The following FOXN3 variants were observed in gnomAD, a reference collection of about 807,000 sequenced individuals.
FOXN3 encodes the protein forkhead box N3, also known as forkhead box protein N3.
Under a neutral mutation model 38.4 loss-of-function variants are expected in FOXN3, and 7 were observed. The observed-to-expected ratio is 0.18, with a 90% CI of 0.10 to 0.34. The LOEUF (loss-of-function observed/expected upper bound fraction) is 0.34, where lower values mean the gene tolerates loss of function less well. Among genes scored for constraint, FOXN3 ranks in the 10% least tolerant of loss-of-function variants. The pLI, the probability that FOXN3 is intolerant of heterozygous loss-of-function variation, is 1.00. For synonymous variants in FOXN3, 230 were observed against 242.2 expected (o/e 0.95, Z 0.47); for missense variants, 456 against 613.4 (o/e 0.74, Z 2.71).
intron 1 of FOXN3, among the ~76,000 whole-genome samples, chr14:89,526,959 A>G (rs1361730125): frequency 1.3e-5 from 2 of 152,214 alleles, no homozygotes; most frequent in Non-Finnish European, 2.9e-5. Context: ...AACTAGTTTT[A>G]AACAAAAGTA....
chr14:89,427,839 A>C (rs1042719328), intron 1 of FOXN3, among the ~76,000 whole-genome samples: 1 of 152,042 alleles, frequency 6.6e-6, no homozygotes, highest in Non-Finnish European at 1.5e-5. Flanking sequence ...TTGATCACTT[A>C]ACAGGAAAAA....
chr14:89,318,901 C>T (rs1379326684), intron 3 of FOXN3, among the ~76,000 whole-genome samples: 8 of 152,186 alleles, frequency 5.3e-5, no homozygotes, highest in Admixed American at 3.3e-4. Flanking sequence ...ACAATGGTTA[C>T]ATCAAAGACG....
chr14:89,229,408 C>T (rs1233691099), intron 4 of FOXN3, among the ~76,000 whole-genome samples: 1 of 152,094 alleles, frequency 6.6e-6, no homozygotes, highest in African/African-American at 2.4e-5. Context: ...ATTAAAGTAG[C>T]TCAGCAGCGA....
At chr14:89,616,852 T>C (rs1596334253) in intron 1 of FOXN3, among the ~76,000 whole-genome samples, 1 of 152,254 alleles carries the variant, frequency 6.6e-6, no homozygotes, top group East Asian at 1.9e-4. Flanking sequence ...CTCAAATATT[T>C]CCAACAAAAA....
rs184101513 is a variant in FOXN3, at chr14:89,202,560, G to C, written c.746-21754C>G. Reference sequence around the variant, plus strand: ...CTGAAGTTTGATCCCCAGCATTGGAGGTGGGGCCTCACTGGAAGTGTTTGG... The same window carrying C: ...CTGAAGTTTGATCCCCAGCATTGGACGTGGGGCCTCACTGGAAGTGTTTGG... On this transcript the variant is annotated intron_variant, in intron 4 of 5. Transcript: ENST00000557258. Among the ~76,000 whole-genome samples, 308 of 152,312 alleles carry C rather than the reference G, an allele frequency of 2.0e-3. 1 individual carries two copies. Among genetic ancestry groups the C allele is most frequent in the South Asian group, 3.3e-3 (16 of 4,832 alleles).
At chr14:89,534,034 C>G (rs140259377) in intron 1 of FOXN3, among the ~76,000 whole-genome samples, 48 of 151,818 alleles carry the variant, frequency 3.2e-4, no homozygotes, top group African/African-American at 1.1e-3. Context: ...GGAATTTTGC[C>G]TGACTAGAGA....
At chr14:89,180,937 C>T (rs1003814821) in intron 4 of FOXN3, 131 bp from the exon 5 acceptor site, 147 of 499,934 alleles carry the variant, frequency 2.9e-4, no homozygotes, top group Non-Finnish European at 4.5e-4. Flanking sequence ...GAGAAACACA[C>T]ACACACACGT....
At chr14:89,463,448 C>A (rs1332720565) in intron 1 of FOXN3, among the ~76,000 whole-genome samples, 1 of 152,154 alleles carries the variant, frequency 6.6e-6, no homozygotes, top group Non-Finnish European at 1.5e-5. Flanking sequence ...CAAACCACAG[C>A]AATAAGTTTA....
chr14:89,543,477 G>A (rs1382255566), intron 1 of FOXN3, among the ~76,000 whole-genome samples: 4 of 152,072 alleles, frequency 2.6e-5, no homozygotes, highest in African/African-American at 7.2e-5. Flanking sequence ...AAAAAACCCC[G>A]ACCATTCTTT....
At chr14:89,337,636 C>CTTTTT (rs5810454) in intron 3 of FOXN3, among the ~76,000 whole-genome samples, 6 of 144,896 alleles carry the variant, frequency 4.1e-5, no homozygotes, top group African/African-American at 5.0e-5. Flanking sequence ...CTTTTCTTTT[C>CTTTTT]TTTTTTTTTT....
Position 89,159,626 on chromosome 14 carries a change from G to A in FOXN3, c.*2788C>T, listed in dbSNP as rs887097076. On this transcript the variant is annotated 3_prime_UTR_variant, in exon 6 of 6. Coordinates refer to ENST00000557258, the MANE Select transcript of FOXN3 (RefSeq NM_005197.4). The stretch of plus-strand genomic sequence containing the variant: ...GGGGTTTTAATTGGAAGAAGTCCTC[G>A]GCCAGAAACAGTCCTGAATGTTGAA... The A allele has an allele frequency of 6.6e-5, 10 of 152,214 alleles. No homozygotes were observed. Among genetic ancestry groups the A allele is most frequent in the African/African-American group, 2.2e-4 (9 of 41,430 alleles). The allele number at this position is 152,214 out of a possible 1,614,324, so 9.4% of individuals were successfully genotyped here.
At chr14:89,348,964 C>A (rs1193816405) in intron 3 of FOXN3, among the ~76,000 whole-genome samples, 1 of 152,032 alleles carries the variant, frequency 6.6e-6, no homozygotes, top group Non-Finnish European at 1.5e-5. Context: ...ATGACATGAC[C>A]CAGTGAGTAA....
At chr14:89,565,605 T>C (rs1419990648) in intron 1 of FOXN3, among the ~76,000 whole-genome samples, 1 of 152,156 alleles carries the variant, frequency 6.6e-6, no homozygotes, top group Non-Finnish European at 1.5e-5. Flanking sequence ...GCTTTAAAGC[T>C]CTAGGATTCT....
At chr14:89,337,300 T>C (rs575424108) in intron 3 of FOXN3, among the ~76,000 whole-genome samples, 1 of 152,166 alleles carries the variant, frequency 6.6e-6, no homozygotes, top group South Asian at 2.1e-4. Context: ...AAAAGCAAGA[T>C]TGGGAGCTGG....
In FOXN3 at chr14:89,552,791, G is replaced by C. The variant is rs561578257; in HGVS notation, c.-15+66237C>G. Among the ~76,000 whole-genome samples, 6 of 151,900 alleles carry C rather than the reference G, an allele frequency of 3.9e-5. No homozygotes were observed. The East Asian group carries it at 5.8e-4, about 15-fold the overall frequency. Reference sequence around the variant, plus strand: ...GGAGAATCGCTTGAACCCAGGAGACGGAGGTCACACTGGGCGGAGGCTGCA... The same window carrying C: ...GGAGAATCGCTTGAACCCAGGAGACCGAGGTCACACTGGGCGGAGGCTGCA... On this transcript the variant is annotated intron_variant, in intron 1 of 6. Coordinates refer to the FOXN3 transcript ENST00000345097.
intron 3 of FOXN3, among the ~76,000 whole-genome samples, chr14:89,324,868 G>T (rs1454971803): frequency 6.6e-6 from 1 of 152,132 alleles, no homozygotes; most frequent in Admixed American, 6.5e-5. Context: ...TTAAAAAGCA[G>T]GTTCAGATCC....
intron 1 of FOXN3, among the ~76,000 whole-genome samples, chr14:89,511,247 T>TTTTCTTTCTTTCTTTCTTTC: frequency 8.9e-5 from 1 of 11,298 alleles, no homozygotes; most frequent in South Asian, 2.9e-3. Flanking sequence ...CTTTTCTTTC[T>TTTTCTTTCTTTCTTTCTTTC]TTTCTTTCTT....
chr14:89,379,826 A>G (rs185881906), intron 2 of FOXN3, among the ~76,000 whole-genome samples: 1 of 151,782 alleles, frequency 6.6e-6, no homozygotes, highest in Admixed American at 6.6e-5. Flanking sequence ...ATGTCTAGCT[A>G]ATTTTTTTAT....
intron 1 of FOXN3, among the ~76,000 whole-genome samples, chr14:89,478,931 C>A (rs868045577): frequency 2.4e-4 from 13 of 54,202 alleles, no homozygotes; most frequent in Non-Finnish European, 2.8e-4. Context: ...GACTCCATCT[C>A]AAAAAAAAAA....
Sources: allele counts gnomAD v4.1 joint callset (sites outside exome capture counted in the v4.1 genomes callset), GRCh38; gene constraint gnomAD v4.1.1; transcripts MANE v1.5; gene names NCBI Gene and HGNC (gene_info 2026-07-23, HGNC 2026-07-21).